Variants in LRIF1 observed in about 807,000 individuals in gnomAD.
LRIF1 encodes the protein ligand dependent nuclear receptor interacting factor 1.
In LRIF1, 32 loss-of-function variants were observed where a neutral mutation model predicts 52.7. That is an observed-to-expected ratio of 0.61 (90% CI 0.46 to 0.82). LRIF1 has a LOEUF of 0.82. Among genes scored for constraint, LRIF1 ranks in the 40% least tolerant of loss-of-function variants. The pLI is 0.00. For synonymous variants in LRIF1, 323 were observed against 317.4 expected, an observed-to-expected ratio of 1.02 and a Z score of -0.19; for missense variants, 887 against 892.0, an observed-to-expected ratio of 0.99 and a Z score of 0.07.
At chr1:110,934,485 G>A in the LRIF1 span, among the ~76,000 whole-genome samples, 1 of 152,198 alleles carries the variant, frequency 6.6e-6, no homozygotes, top group South Asian at 2.1e-4. Context: ...GTGATTCTCA[G>A]GCTGGGCAAG....
At chr1:110,927,746 A>G in the LRIF1 span, among the ~76,000 whole-genome samples, 1 of 152,202 alleles carries the variant, frequency 6.6e-6, no homozygotes, top group Non-Finnish European at 1.5e-5. Flanking sequence ...CACCCTAACT[A>G]GAAATATACA....
the LRIF1 span, among the ~76,000 whole-genome samples, chr1:110,879,037 A>AT: frequency 6.6e-6 from 1 of 151,494 alleles, no homozygotes; most frequent in East Asian, 1.9e-4. Context: ...TTGTTTTTTT[A>AT]TTTTTTTTAC....
At chr1:110,952,982 G>A (rs1455479222) in intron 1 of LRIF1, 167 bp from the exon 2 acceptor site, 3 of 301,154 alleles carry the variant, frequency 1.0e-5, no homozygotes, top group Non-Finnish European at 1.7e-5. Flanking sequence ...AAGTAGAAGA[G>A]ATAATGATAT....
At chr1:110,953,230 C>CT in intron 1 of LRIF1, among the ~76,000 whole-genome samples, 1 of 152,124 alleles carries the variant, frequency 6.6e-6, no homozygotes. Context: ...CCATTTCTCT[C>CT]TTTTCCCCCT....
the LRIF1 span, among the ~76,000 whole-genome samples, chr1:110,902,249 G>C: frequency 1.3e-5 from 2 of 152,104 alleles, no homozygotes; most frequent in Admixed American, 1.3e-4. Flanking sequence ...TATTATAGCT[G>C]TCAAGCCCTA....
At chr1:110,960,885 C>T (rs373203405) in intron 1 of LRIF1, among the ~76,000 whole-genome samples, 6 of 152,184 alleles carry the variant, frequency 3.9e-5, no homozygotes, top group Non-Finnish European at 8.8e-5. Flanking sequence ...CAAATCCAGA[C>T]TGCCAACGTT....
the LRIF1 span, chr1:110,899,211 T>A: frequency 5.7e-6 from 9 of 1,583,362 alleles, no homozygotes; most frequent in South Asian, 9.9e-5. Flanking sequence ...AGTAGTCCTG[T>A]GGTGAAGAGA....
intron 1 of LRIF1, among the ~76,000 whole-genome samples, chr1:110,955,567 A>G (rs1344958701): frequency 1.3e-5 from 2 of 152,160 alleles, no homozygotes; most frequent in African/African-American, 4.8e-5. Flanking sequence ...CAATTATACT[A>G]AAAGTTTCTG....
the LRIF1 span, chr1:110,892,677 C>T: frequency 2.6e-5 from 18 of 704,802 alleles, no homozygotes; most frequent in Non-Finnish European, 3.9e-5. Flanking sequence ...CAAGTCTGCC[C>T]AGACCAATAG....
At position 110,947,884 on chromosome 1, in the gene LRIF1, C is replaced by T; in HGVS notation, c.*75G>A. ...CATATTCAAAGACACTTTCAGAACA[C>T]ACCTACAATTAACTTATTAATGCTG... On this transcript the variant is annotated 3_prime_UTR_variant, in exon 4 of 4. Coordinates refer to ENST00000369763, the MANE Select transcript of LRIF1 (RefSeq NM_018372.4). 1 of 1,504,468 alleles carries T rather than the reference C, an allele frequency of 6.6e-7. No homozygotes were observed. Among genetic ancestry groups the T allele is most frequent in the Non-Finnish European group, 8.8e-7 (1 of 1,131,722 alleles). 93.2% of individuals were successfully genotyped at this position (1,504,468 alleles called of 1,614,324 possible). A position where few individuals can be genotyped will look rare whatever the true frequency, so the allele number is the denominator to read the frequency against.
intron 1 of LRIF1, chr1:110,963,167 G>C (rs1317714780): frequency 6.5e-6 from 1 of 152,712 alleles, no homozygotes; most frequent in Admixed American, 6.5e-5. Context: ...TCATTCTAAA[G>C]CCCTTTTTCT....
chr1:110,924,387 G>A, the LRIF1 span, among the ~76,000 whole-genome samples: 1 of 152,196 alleles, frequency 6.6e-6, no homozygotes, highest in Non-Finnish European at 1.5e-5. Flanking sequence ...CTGCTATAAA[G>A]GAAAGAAGTT....
At chr1:110,955,260 C>A (rs1418545142) in intron 1 of LRIF1, among the ~76,000 whole-genome samples, 1 of 152,180 alleles carries the variant, frequency 6.6e-6, no homozygotes, top group East Asian at 1.9e-4. Flanking sequence ...ATCACAAAAT[C>A]CTGTTGATAT....
rs1182997308 is a variant in LRIF1 at position 110,947,868 on chromosome 1, A to G, written c.*91T>C. ...ATGAAAAAACAAGCTTCATATTCAA[A>G]GACACTTTCAGAACACACCTACAAT... On this transcript the variant is annotated 3_prime_UTR_variant, in exon 4 of 4. Transcript: ENST00000369763. 4 of 1,476,790 alleles carry G rather than the reference A, an allele frequency of 2.7e-6. No homozygotes were observed. In the African/African-American group the frequency reaches 5.6e-5, roughly 21 times the overall value. 91.5% of individuals were successfully genotyped at this position (1,476,790 alleles called of 1,614,324 possible). A position where few individuals can be genotyped will look rare whatever the true frequency, so the allele number is the denominator to read the frequency against.
the LRIF1 span, among the ~76,000 whole-genome samples, chr1:110,879,123 C>A: frequency 0.44 from 67,464 of 151,744 alleles, 16,609 homozygotes; most frequent in East Asian, 0.6. Flanking sequence ...ATGTTTTATT[C>A]CTAAAAATCT....
intron 1 of LRIF1, among the ~76,000 whole-genome samples, chr1:110,958,187 C>G (rs1342647017): frequency 2.0e-5 from 3 of 152,224 alleles, no homozygotes; most frequent in Admixed American, 6.5e-5. Flanking sequence ...CACAACTTCT[C>G]AATGTGAAAT....
At chr1:110,885,411 G>A in the LRIF1 span, among the ~76,000 whole-genome samples, 1 of 152,170 alleles carries the variant, frequency 6.6e-6, no homozygotes, top group Admixed American at 6.5e-5. Flanking sequence ...GGTGGCAGGC[G>A]CCTGTAGTCC....
At chr1:110,875,090 G>A in the LRIF1 span, among the ~76,000 whole-genome samples, 1 of 152,166 alleles carries the variant, frequency 6.6e-6, no homozygotes, top group Non-Finnish European at 1.5e-5. Context: ...AAACTGCCTA[G>A]AGAGGTGACT....
At chr1:110,891,458 A>C in the LRIF1 span, 1 of 1,613,606 alleles carries the variant, frequency 6.2e-7, no homozygotes, top group Non-Finnish European at 8.5e-7. Flanking sequence ...TTTTTCTTCA[A>C]CTTGCTCTTT....
Sources: allele counts gnomAD v4.1 joint callset (sites outside exome capture counted in the v4.1 genomes callset), GRCh38; gene constraint gnomAD v4.1.1; transcripts MANE v1.5; gene names NCBI Gene and HGNC (gene_info 2026-07-23, HGNC 2026-07-21).